KANSL3: variants seen among roughly 807,000 people sequenced by gnomAD.
KANSL3 encodes the protein NSL complex protein NSL3.
Under a neutral mutation model 89.2 loss-of-function variants are expected in KANSL3, and 16 were observed. The observed-to-expected ratio is 0.18, with a 90% CI of 0.12 to 0.27. The LOEUF (loss-of-function observed/expected upper bound fraction) is 0.27, where lower values mean the gene tolerates loss of function less well. Among genes scored for constraint, KANSL3 ranks in the 10% least tolerant of loss-of-function variants. The pLI, the probability that KANSL3 is intolerant of heterozygous loss-of-function variation, is 1.00. For missense variants in KANSL3, 879 were observed against 1,110.6 expected (o/e 0.79, Z 2.96); for synonymous variants, 385 against 419.7 (o/e 0.92, Z 1.01).
intron 2 of KANSL3, among the ~76,000 whole-genome samples, chr2:96,636,333 TAGTC>T (rs929333646): frequency 1.3e-5 from 2 of 152,190 alleles, no homozygotes; most frequent in Non-Finnish European, 2.9e-5. Flanking sequence ...ACTCATCAGG[TAGTC>T]AATTTATGAA....
At chr2:96,617,111 G>C (rs1201364339) in intron 5 of KANSL3, among the ~76,000 whole-genome samples, 3 of 152,134 alleles carry the variant, frequency 2.0e-5, no homozygotes, top group Non-Finnish European at 4.4e-5. Flanking sequence ...TGTCTGCCAG[G>C]ATCCAGTCTG....
intron 6 of KANSL3, 104 bp downstream of exon 6, chr2:96,613,384 A>T: frequency 1.1e-6 from 1 of 888,496 alleles, no homozygotes; most frequent in Non-Finnish European, 1.7e-6. Flanking sequence ...AAATAATAAT[A>T]ATAATAAATA....
chr2:96,595,672 C>T (rs1389215642), intron 20 of KANSL3, 41 bp from the exon 21 acceptor site: 3 of 1,611,266 alleles, frequency 1.9e-6, no homozygotes, highest in South Asian at 2.2e-5. Context: ...AAAGCTTTGA[C>T]AGGTTATCAT....
the KANSL3 span, among the ~76,000 whole-genome samples, chr2:96,582,683 T>C: frequency 2.0e-5 from 3 of 152,252 alleles, no homozygotes; most frequent in Admixed American, 6.5e-5. Context: ...GCCTTTTCTC[T>C]TGAGCATGGG....
the KANSL3 span, among the ~76,000 whole-genome samples, chr2:96,582,148 G>C: frequency 6.6e-6 from 1 of 152,126 alleles, no homozygotes; most frequent in Admixed American, 6.5e-5. Context: ...CCCGGCACTT[G>C]GGAGGCCAAG....
At chr2:96,606,431 G>A (rs1173935648) in intron 14 of KANSL3, 1 of 152,868 alleles carries the variant, frequency 6.5e-6, no homozygotes, top group Non-Finnish European at 1.5e-5. Context: ...AAAGACTGGT[G>A]TGGGGAGGAA....
At chr2:96,582,629 T>C in the KANSL3 span, among the ~76,000 whole-genome samples, 1 of 152,258 alleles carries the variant, frequency 6.6e-6, no homozygotes, top group East Asian at 1.9e-4. Context: ...CCTTGCTTGC[T>C]AATTCCAATG....
At chr2:96,627,831 C>A in intron 3 of KANSL3, 1 of 1,056,160 alleles carries the variant, frequency 9.5e-7, no homozygotes, top group South Asian at 1.3e-5. Flanking sequence ...GCTACAGATT[C>A]AGGGACAGGG....
At chr2:96,624,302 TAGG>T (rs1333511942) in intron 3 of KANSL3, among the ~76,000 whole-genome samples, 2 of 152,262 alleles carry the variant, frequency 1.3e-5, no homozygotes, top group East Asian at 1.9e-4. Context: ...TTGATGGTGG[TAGG>T]AGGAGACAGA....
At position 96,637,092 on chromosome 2, in the gene KANSL3, CGAGCTGAAG is replaced by C; in HGVS notation, c.35_43del (p.Thr12_Ala14del). 6.4e-7 allele frequency: 1 copy of C among 1,551,634 alleles called. No homozygotes were observed. The highest frequency in any genetic ancestry group is 8.7e-7 in the Non-Finnish European group (1 of 1,146,972). ...GAAGAGCAGCGAGGTGCCCATGCGT[CGAGCTGAAG>C]TCTGGAAGTCCCTCTCCCCACCCCG... On this transcript the variant is annotated inframe_deletion, in exon 2 of 21. Coordinates refer to ENST00000431828, the MANE Select transcript of KANSL3 (RefSeq NM_001115016.3).
chr2:96,635,107 G>T (rs919944656), intron 2 of KANSL3, among the ~76,000 whole-genome samples: 8 of 152,174 alleles, frequency 5.3e-5, no homozygotes, highest in African/African-American at 1.9e-4. Context: ...TGCAGTGGCA[G>T]CCTGCAGCTG....
chr2:96,598,254 A>AG (rs758835993), intron 20 of KANSL3: 9 of 382,360 alleles, frequency 2.4e-5, no homozygotes, highest in Non-Finnish European at 2.9e-5. Flanking sequence ...AGAGTATGAG[A>AG]GGGGAAAAGC....
At chr2:96,617,198 G>C (rs1311833862) in intron 5 of KANSL3, among the ~76,000 whole-genome samples, 2 of 152,174 alleles carry the variant, frequency 1.3e-5, no homozygotes, top group Non-Finnish European at 2.9e-5. Context: ...ACAGGGGAAA[G>C]TCTGGGACTC....
rs184087253 is a variant in KANSL3, at chr2:96,628,122, G to A, written c.386+3190C>T. The A allele has an allele frequency of 6.2e-4, 805 of 1,290,032 alleles. 3 individuals are homozygous for A. The Middle Eastern group carries it at 8.7e-3, about 14-fold the overall frequency. 79.9% of individuals were successfully genotyped at this position (1,290,032 alleles called of 1,614,324 possible). ...AAGCCAAAGACAAGAATCTGTCAGT[G>A]TTTCTCTAAAGGACAGGCAGGAGAA... On this transcript the variant is annotated intron_variant, in intron 3 of 20. Transcript: ENST00000431828.
chr2:96,606,777 C>CAA (rs967373435), intron 14 of KANSL3: 1 of 299,638 alleles, frequency 3.3e-6, no homozygotes, highest in African/African-American at 2.3e-5. Flanking sequence ...GAGAAGCAAA[C>CAA]AAAAGAATGG....
intron 3 of KANSL3, among the ~76,000 whole-genome samples, chr2:96,623,614 A>G (rs911292323): frequency 3.3e-5 from 5 of 152,152 alleles, no homozygotes; most frequent in African/African-American, 1.2e-4. Flanking sequence ...CACCTACCAC[A>G]TCTCCAGTTT....
At chr2:96,605,771 G>A (rs760864272) in intron 14 of KANSL3, 6 of 274,172 alleles carry the variant, frequency 2.2e-5, no homozygotes, top group Non-Finnish European at 4.2e-5. Context: ...AATCGGAAGA[G>A]AAGGGGCCCT....
intron 10 of KANSL3, 86 bp downstream of exon 10, chr2:96,610,978 T>C (rs752104038): frequency 1.6e-5 from 25 of 1,575,870 alleles, no homozygotes; most frequent in Non-Finnish European, 2.2e-5. Context: ...GCAACTGCAG[T>C]CAGCCTCAGC....
chr2:96,629,092 T>C (rs780869196), intron 3 of KANSL3, among the ~76,000 whole-genome samples: 12 of 152,130 alleles, frequency 7.9e-5, no homozygotes, highest in South Asian at 4.2e-4. Flanking sequence ...CCAAGAGTCA[T>C]TGGGAGGATT....
Sources: gnomAD v4.1 joint callset for allele counts (sites outside exome capture counted in the v4.1 genomes callset) on GRCh38, gnomAD v4.1.1 for gene constraint, MANE v1.5 for transcripts, NCBI Gene and HGNC (gene_info 2026-07-23, HGNC 2026-07-21) for gene names.